FKBP8: variants seen among roughly 807,000 people sequenced by gnomAD.
The protein encoded by FKBP8 is FKBP prolyl isomerase 8, also known as peptidyl-prolyl cis-trans isomerase FKBP8.
In FKBP8, 5 loss-of-function variants were observed where a neutral mutation model predicts 41.7. That is an observed-to-expected ratio of 0.12 (90% CI 0.06 to 0.25). The LOEUF is 0.25. FKBP8 is among the 10% of genes least tolerant of loss of function. The pLI is 1.00. For missense variants in FKBP8, 397 were observed against 563.0 expected (o/e 0.71, Z 2.98); for synonymous variants, 279 against 254.5 (o/e 1.10, Z -0.92).
Position 18,538,448 on chromosome 19 carries a change from G to T in FKBP8, c.552-12C>A. On this transcript the variant is annotated splice_polypyrimidine_tract_variant and intron_variant, in intron 4 of 8. Transcript: ENST00000608443. The surrounding 1 kb of genome is among the most constrained non-coding windows in gnomAD (Gnocchi z 4.0). ...TGTATGGGCTCCTGCTAGTTGGGTG[G>T]GAGCAGGCAGGGGCAGCACTCAGAC... 6.2e-7 allele frequency: 1 copy of T among 1,607,326 alleles called. No homozygotes were observed. Among genetic ancestry groups the T allele is most frequent in the Non-Finnish European group, 8.5e-7 (1 of 1,178,088 alleles).
At position 18,532,154 on chromosome 19, in the gene FKBP8, C is replaced by T. The variant is rs373905025; in HGVS notation, c.*15G>A. 8.9e-6 allele frequency: 14 copies of T among 1,578,462 alleles called. No individual in the cohort carries two copies. Among genetic ancestry groups the T allele is most frequent in the African/African-American group, 8.1e-5 (6 of 74,376 alleles). ...GGTCCATGGTGTGCAGAGGGGGTGG[C>T]AGCCACCTAGGTGGTCAGTTCCTGG... On this transcript the variant is annotated 3_prime_UTR_variant, in exon 9 of 9. Coordinates refer to ENST00000608443, the MANE Select transcript of FKBP8 (RefSeq NM_012181.5).
rs369920688 is a variant in FKBP8 at position 18,539,464 on chromosome 19, G to C, written c.463-5C>G. On this transcript the variant is annotated splice_polypyrimidine_tract_variant and splice_region_variant and intron_variant, in intron 3 of 8. Coordinates refer to ENST00000608443, the MANE Select transcript of FKBP8 (RefSeq NM_012181.5). ...TGGGACACTGAGATCCAGGGCCTGG[G>C]GTGTGTGGGGATAGCCAGCTGTCAG... 9.9e-6 allele frequency: 16 copies of C among 1,613,310 alleles called. No individual in the cohort carries two copies. The highest frequency in any genetic ancestry group is 1.3e-5 in the Non-Finnish European group (15 of 1,179,794).
rs907768793 is a variant in FKBP8, at chr19:18,537,467, G to A, written c.945+134C>T. On this transcript the variant is annotated intron_variant, in intron 6 of 8. Transcript: ENST00000608443. The surrounding 1 kb of genome is among the most constrained non-coding windows in gnomAD (Gnocchi z 4.4). Reference sequence around the variant, plus strand: ...AGGCCACACTCCTGCACCCGTCTGGGCCTCAGTTTCTCCACCTGCACCCCA... The same window carrying A: ...AGGCCACACTCCTGCACCCGTCTGGACCTCAGTTTCTCCACCTGCACCCCA... 1.6e-5 allele frequency: 12 copies of A among 768,588 alleles called. No homozygotes were observed. The Middle Eastern group carries it at 1.2e-3, about 75-fold the overall frequency. The allele number at this position is 768,588 out of a possible 1,614,324, so 47.6% of individuals were successfully genotyped here. A position where few individuals can be genotyped will look rare whatever the true frequency, so the allele number is the denominator to read the frequency against.
At chr19:18,534,851 G>T (rs572657927) in intron 6 of FKBP8, among the ~76,000 whole-genome samples, 1 of 151,908 alleles carries the variant, frequency 6.6e-6, no homozygotes, top group African/African-American at 2.4e-5. Context: ...GCAGTGGCAC[G>T]ATCTTGGCTC....
chr19:18,541,698 T>G lies in FKBP8; in HGVS notation c.273A>C (p.Glu91Asp). The G allele has an allele frequency of 6.2e-7, 1 of 1,610,588 alleles. No homozygotes were observed. Among genetic ancestry groups the G allele is most frequent in the Non-Finnish European group, 8.5e-7 (1 of 1,177,740 alleles). The change falls in exon 2 of 9, where the codon GAA becomes GAC. Residue 91 changes from glutamate to aspartate, a missense_variant. Around this residue, in one of 2 missense-constraint regions of FKBP8, gnomAD observed 172 missense variants for 196.2 expected, o/e 0.88. Coordinates refer to ENST00000608443, the MANE Select transcript of FKBP8 (RefSeq NM_012181.5). ...EPEPAPAPAP[E>D]EWLDILGNGL... is the part of the protein sequence containing the mutation. ...CCTTACCCAGAATGTCCAGCCACTC[T>G]TCTGGGGCCGGGGCTGGGGCGGGCT... is the stretch of plus-strand genomic sequence containing the variant.
Position 18,537,891 on chromosome 19 carries a change from C to A in FKBP8, c.773-118G>T. 1 of 1,114,472 alleles carries A rather than the reference C, an allele frequency of 9.0e-7. No individual in the cohort carries two copies. The highest frequency in any genetic ancestry group is 1.3e-6 in the Non-Finnish European group (1 of 786,392). The allele number at this position is 1,114,472 out of a possible 1,614,324, so 69.0% of individuals were successfully genotyped here. On this transcript the variant is annotated intron_variant, in intron 5 of 8. Coordinates refer to ENST00000608443, the MANE Select transcript of FKBP8 (RefSeq NM_012181.5). This position sits in a 1 kb window ranked among gnomAD's most constrained non-coding sequence, Gnocchi z 4.4. ...AGTTTCCCCAATTTTAACCCCGGACCAAGGGCCACGCTTTCCTGGGGCTCT... is the reference window on the plus strand; with the variant it reads ...AGTTTCCCCAATTTTAACCCCGGACAAAGGGCCACGCTTTCCTGGGGCTCT...
rs367694382 is a variant in FKBP8, at chr19:18,532,732, C to T, written c.1087G>A (p.Ala363Thr). Reference protein sequence around the residue: ...KHAAQRSTETALYRKMLGNPS... With the variant: ...KHAAQRSTETTLYRKMLGNPS... ...TTGCCCAGCATTTTCCGGTACAAGGCGGTCTCCGTGCTCCGCTGCGCCGCA... is the reference window on the plus strand; with the variant it reads ...TTGCCCAGCATTTTCCGGTACAAGGTGGTCTCCGTGCTCCGCTGCGCCGCA... Residue 363 changes from alanine to threonine, a missense_variant, in exon 8 of 9, where the codon GCC becomes ACC. Around this residue, in one of 2 missense-constraint regions of FKBP8, gnomAD observed 225 missense variants for 366.8 expected, o/e 0.61. Coordinates refer to ENST00000608443, the MANE Select transcript of FKBP8 (RefSeq NM_012181.5). 14 of 1,614,028 alleles carry T rather than the reference C, an allele frequency of 8.7e-6. No individual in the cohort carries two copies. Among genetic ancestry groups the T allele is most frequent in the East Asian group, 6.7e-5 (3 of 44,898 alleles).
At chr19:18,543,027 T>TC (rs1976745090) in intron 1 of FKBP8, 2 of 422,372 alleles carry the variant, frequency 4.7e-6, no homozygotes, top group African/African-American at 3.3e-5. Context: ...ACGGGCCAGC[T>TC]CCCCCCACAG....
At chr19:18,534,390 G>C (rs1006342508) in intron 6 of FKBP8, among the ~76,000 whole-genome samples, 2 of 152,222 alleles carry the variant, frequency 1.3e-5, no homozygotes, top group African/African-American at 4.8e-5. Context: ...AACATCCCTG[G>C]GTTCCAGCCA....
intron 6 of FKBP8, among the ~76,000 whole-genome samples, chr19:18,535,066 T>C (rs894059024): frequency 1.3e-5 from 2 of 152,172 alleles, no homozygotes; most frequent in Non-Finnish European, 2.9e-5. Context: ...ATTACAGGCA[T>C]GAGCCACCGC....
At chr19:18,540,807 G>T (rs984248222) in intron 2 of FKBP8, among the ~76,000 whole-genome samples, 1 of 151,938 alleles carries the variant, frequency 6.6e-6, no homozygotes, top group Non-Finnish European at 1.5e-5. Context: ...GGGAGGCGGA[G>T]GTTGCAGTGA....
chr19:18,542,499 T>G, intron 1 of FKBP8: 1 of 179,374 alleles, frequency 5.6e-6, no homozygotes, highest in Non-Finnish European at 1.2e-5. Flanking sequence ...CTGGGGGAAA[T>G]TGAATCTTTT....
chr19:18,533,217 G>A (rs1240270493), intron 7 of FKBP8, 53 bp downstream of exon 7: 14 of 1,470,530 alleles, frequency 9.5e-6, no homozygotes, highest in African/African-American at 6.9e-5. Context: ...GGGGCAGACC[G>A]CAGGAGGGAC....
Position 18,539,445 on chromosome 19 carries a change from A to G in FKBP8, c.477T>C (p.Ser159=), listed in dbSNP as rs1324930774. The G allele has an allele frequency of 6.2e-7, 1 of 1,613,788 alleles. No homozygotes were observed. The highest frequency in any genetic ancestry group is 1.3e-5 in the African/African-American group (1 of 75,034). The part of the protein sequence containing the change: ...DCDVIQALDL[S]VPLMDVGETA... ...TCTCCCCCACGTCCATGAGTGGGAC[A>G]CTGAGATCCAGGGCCTGGGGTGTGT... Residue 159 remains serine, a synonymous_variant, in exon 4 of 9, where the codon AGT becomes AGC. Coordinates refer to ENST00000608443, the MANE Select transcript of FKBP8 (RefSeq NM_012181.5).
Position 18,541,967 on chromosome 19 carries a change from C to A in FKBP8, c.4G>T (p.Ala2Ser). 1 of 1,612,902 alleles carries A rather than the reference C, an allele frequency of 6.2e-7. No homozygotes were observed. Among genetic ancestry groups the A allele is most frequent in the Non-Finnish European group, 8.5e-7 (1 of 1,179,276 alleles). The change falls in exon 2 of 9, where the codon GCA becomes TCA. Residue 2 changes from alanine to serine, a missense_variant. This residue lies in a region of FKBP8 where 172 missense variants were observed against 196.2 expected (regional missense o/e 0.88). Transcript: ENST00000608443. MASCAEPSEPSA... is the reference protein window; with the variant it reads MSSCAEPSEPSA... The stretch of plus-strand genomic sequence containing the variant: ...GGCTCAGAGGGTTCAGCACACGATG[C>A]CATGCTGCTGGGGGGACAGGAATTG...
At chr19:18,534,795 T>C (rs2145185721) in intron 6 of FKBP8, among the ~76,000 whole-genome samples, 1 of 151,702 alleles carries the variant, frequency 6.6e-6, no homozygotes. Flanking sequence ...ACTATTGTTA[T>C]TATTATTATT....
At chr19:18,532,582 G>A (rs1427008014) in intron 8 of FKBP8, 82 bp downstream of exon 8, 1 of 1,558,094 alleles carries the variant, frequency 6.4e-7, no homozygotes, top group East Asian at 2.2e-5. Context: ...CAGTCTCCGA[G>A]GACATCCATG....
chr19:18,532,926 T>C (rs1976482643), intron 7 of FKBP8, 131 bp from the exon 8 acceptor site: 1 of 1,431,802 alleles, frequency 7.0e-7, no homozygotes, highest in African/African-American at 1.4e-5. Flanking sequence ...TGCCCCTTTC[T>C]GGGCTTAGCA....
chr19:18,538,201 G>A lies in FKBP8; in HGVS notation c.772+15C>T. The A allele has an allele frequency of 6.3e-7, 1 of 1,592,908 alleles. No individual in the cohort carries two copies. Among genetic ancestry groups the A allele is most frequent in the African/African-American group, 1.3e-5 (1 of 74,640 alleles). On this transcript the variant is annotated intron_variant, in intron 5 of 8. Coordinates refer to ENST00000608443, the MANE Select transcript of FKBP8 (RefSeq NM_012181.5). This position sits in a 1 kb window ranked among gnomAD's most constrained non-coding sequence, Gnocchi z 4.0. ...TTTGCAGGGGAGATGGTGGAGATCT[G>A]ACCCAGGCGGTCACCTTTGGCGCTG...
Sources: allele counts gnomAD v4.1 joint callset (sites outside exome capture counted in the v4.1 genomes callset), GRCh38; gene constraint gnomAD v4.1.1; regional missense constraint gnomAD v4.1.1; non-coding constraint Gnocchi (gnomAD v3.1); transcripts MANE v1.5; gene names NCBI Gene and HGNC (gene_info 2026-07-23, HGNC 2026-07-21).